SCAPER: variants seen among roughly 807,000 people sequenced by gnomAD.
The protein encoded by SCAPER is S-phase cyclin A associated protein in the ER, also known as S phase cyclin A-associated protein in the endoplasmic reticulum.
SCAPER carries 98 observed loss-of-function variants against 182.2 expected under a neutral mutation model. The observed-to-expected ratio is 0.54, with a 90% CI of 0.46 to 0.64. The LOEUF (loss-of-function observed/expected upper bound fraction) is 0.64. Among genes scored for constraint, SCAPER ranks in the 30% least tolerant of loss-of-function variants. The pLI, the probability that SCAPER is intolerant of heterozygous loss-of-function variation, is 0.00. For missense variants in SCAPER, 1,432 were observed against 1,690.0 expected, an observed-to-expected ratio of 0.85 and a Z score of 2.68; for synonymous variants, 605 against 564.6, an observed-to-expected ratio of 1.07 and a Z score of -1.01.
chr15:76,473,746 T>C (rs1263505834), intron 24 of SCAPER, among the ~76,000 whole-genome samples: 1 of 152,164 alleles, frequency 6.6e-6, no homozygotes, highest in East Asian at 1.9e-4. Flanking sequence ...TGCTCTCGGA[T>C]AGGGGTTCTG....
intron 15 of SCAPER, among the ~76,000 whole-genome samples, chr15:76,736,242 C>T (rs1234696887): frequency 6.6e-6 from 1 of 152,192 alleles, no homozygotes; most frequent in African/African-American, 2.4e-5. Context: ...TGCTAATGAA[C>T]ATTCGAGCCA....
rs12591943 is a variant in SCAPER at position 76,863,687 on chromosome 15, C to T, written c.7-1154G>A. 7.0e-4 allele frequency among the ~76,000 whole-genome samples: 106 copies of T among 152,278 alleles called. No individual in the cohort carries two copies. In the East Asian group the frequency reaches 0.018, roughly 26 times the overall value. On this transcript the variant is annotated intron_variant, in intron 2 of 31. Transcript: ENST00000563290. The stretch of plus-strand genomic sequence containing the variant: ...CCTCCCTTGGCCCCAGAAAACCACA[C>T]CTGCTGGTGTTCATGCCCTCATGTA...
At chr15:76,720,997 G>C (rs1057307043) in intron 17 of SCAPER, among the ~76,000 whole-genome samples, 19 of 152,108 alleles carry the variant, frequency 1.2e-4, no homozygotes, top group Non-Finnish European at 2.6e-4. Flanking sequence ...TGAAGTCCTT[G>C]CCCATGCCTA....
chr15:76,831,413 G>A (rs904103893), intron 5 of SCAPER, among the ~76,000 whole-genome samples: 1 of 151,152 alleles, frequency 6.6e-6, no homozygotes, highest in Non-Finnish European at 1.5e-5. Context: ...GAGTGCTTTT[G>A]TAGACAGGAC....
chr15:76,894,231 AAC>A (rs1307744835), intron 1 of SCAPER, among the ~76,000 whole-genome samples: 2 of 148,036 alleles, frequency 1.4e-5, no homozygotes, highest in Middle Eastern at 3.4e-3. Flanking sequence ...CAGCATGGGC[AAC>A]AGAGTGAAAT....
chr15:76,673,952 T>C (rs74026041), intron 20 of SCAPER, among the ~76,000 whole-genome samples: 98 of 146,464 alleles, frequency 6.7e-4, no homozygotes, highest in South Asian at 5.0e-3. Context: ...AATTTATCTA[T>C]ACACACACAC....
intron 17 of SCAPER, among the ~76,000 whole-genome samples, chr15:76,719,785 A>T (rs548467621): frequency 2.0e-4 from 30 of 152,286 alleles, no homozygotes; most frequent in Non-Finnish European, 3.4e-4. Context: ...AGGCATAAAG[A>T]TGAGGAAAAA....
At chr15:76,456,679 T>A (rs924432484) in intron 25 of SCAPER, among the ~76,000 whole-genome samples, 5 of 152,196 alleles carry the variant, frequency 3.3e-5, no homozygotes, top group Admixed American at 6.5e-5. Flanking sequence ...TTGTATCAGT[T>A]GCTGAAAGAG....
intron 1 of SCAPER, among the ~76,000 whole-genome samples, chr15:76,893,153 A>C (rs535146123): frequency 3.7e-4 from 57 of 152,300 alleles, no homozygotes; most frequent in African/African-American, 1.3e-3. Flanking sequence ...AGGGCAGGGA[A>C]CATCACACAC....
chr15:76,678,902 AG>A (rs1415428268), intron 20 of SCAPER, among the ~76,000 whole-genome samples: 1 of 152,150 alleles, frequency 6.6e-6, no homozygotes, highest in African/African-American at 2.4e-5. Flanking sequence ...TAACTGCTTA[AG>A]TTAAGGAGGA....
At chr15:76,510,834 T>C (rs1251806994) in intron 23 of SCAPER, among the ~76,000 whole-genome samples, 1 of 151,854 alleles carries the variant, frequency 6.6e-6, no homozygotes, top group Non-Finnish European at 1.5e-5. Flanking sequence ...TGCCCATCAA[T>C]CAACAAGTGG....
At chr15:76,471,694 C>A (rs1329821296) in intron 24 of SCAPER, among the ~76,000 whole-genome samples, 1 of 152,166 alleles carries the variant, frequency 6.6e-6, no homozygotes, top group African/African-American at 2.4e-5. Flanking sequence ...GAAAAGGGCT[C>A]TATCAAAGCT....
intron 2 of SCAPER, among the ~76,000 whole-genome samples, chr15:76,870,701 T>A (rs1259393530): frequency 6.6e-6 from 1 of 150,874 alleles, no homozygotes; most frequent in Non-Finnish European, 1.5e-5. Flanking sequence ...ATAAAAAAAA[T>A]AGAAAAGAGC....
intron 5 of SCAPER, among the ~76,000 whole-genome samples, chr15:76,828,775 C>T (rs1234781659): frequency 6.6e-6 from 1 of 152,186 alleles, no homozygotes; most frequent in Admixed American, 6.5e-5. Context: ...AACTCTTAGC[C>T]TTCTATCCTT....
chr15:76,855,760 C>CA (rs1452203920), intron 4 of SCAPER: 5 of 295,968 alleles, frequency 1.7e-5, no homozygotes, highest in South Asian at 5.8e-5. Context: ...ACTAAAAAGT[C>CA]AAAAAAATAA....
In SCAPER at chr15:76,765,657, A is replaced by G. The variant is rs2063066521; in HGVS notation, c.1420-19T>C. 10 of 1,550,880 alleles carry G rather than the reference A, an allele frequency of 6.4e-6. No homozygotes were observed. Among genetic ancestry groups the G allele is most frequent in the Non-Finnish European group, 7.9e-6 (9 of 1,142,530 alleles). ...TGCTGGCCTAAAATGTAATAAGGGA[A>G]GTTGAAAATCAAATCTTTGAACACA... On this transcript the variant is annotated intron_variant, in intron 11 of 31. Transcript: ENST00000563290.
At chr15:76,690,989 G>C (rs1462035948) in intron 20 of SCAPER, among the ~76,000 whole-genome samples, 1 of 151,994 alleles carries the variant, frequency 6.6e-6, no homozygotes, top group Non-Finnish European at 1.5e-5. Context: ...GGAAAAAAGA[G>C]GGCTCTTGAT....
In SCAPER at chr15:76,540,908, G is replaced by A. The variant is rs180806182; in HGVS notation, c.2838+33250C>T. Among the ~76,000 whole-genome samples, 162 of 152,066 alleles carry A rather than the reference G, an allele frequency of 1.1e-3. 3 individuals are homozygous for A. The highest frequency in any genetic ancestry group is 3.8e-3 in the African/African-American group (157 of 41,488). On this transcript the variant is annotated intron_variant, in intron 23 of 31. Transcript: ENST00000563290. ...GAGGCTGAGGCGGTTAGATCATGAG[G>A]TCAGGAGTTCAAGACCAGCCTGACC...
At chr15:76,619,303 C>T (rs1354117174) in intron 22 of SCAPER, among the ~76,000 whole-genome samples, 1 of 151,992 alleles carries the variant, frequency 6.6e-6, no homozygotes, top group Non-Finnish European at 1.5e-5. Context: ...TAAGTAATAC[C>T]CCATTGTATG....
Sources: gnomAD v4.1 joint callset for allele counts (sites outside exome capture counted in the v4.1 genomes callset) on GRCh38, gnomAD v4.1.1 for gene constraint, MANE v1.5 for transcripts, NCBI Gene and HGNC (gene_info 2026-07-23, HGNC 2026-07-21) for gene names.